EXOC4: variants seen among roughly 807,000 people sequenced by gnomAD.
EXOC4 encodes exocyst complex component 4.
Under a neutral mutation model 107.2 loss-of-function variants are expected in EXOC4, and 71 were observed. That is an observed-to-expected ratio of 0.66 (90% CI 0.55 to 0.81). EXOC4 has a LOEUF of 0.81. EXOC4 is among the 30% of genes least tolerant of loss of function. EXOC4 has a pLI of 0.00. For synonymous variants in EXOC4, 456 were observed against 441.2 expected, an observed-to-expected ratio of 1.03 and a Z score of -0.42; for missense variants, 1,108 against 1,189.6, an observed-to-expected ratio of 0.93 and a Z score of 1.01.
intron 10 of EXOC4, among the ~76,000 whole-genome samples, chr7:133,780,104 G>A (rs1162600380): frequency 2.0e-5 from 3 of 152,050 alleles, no homozygotes; most frequent in African/African-American, 4.8e-5. Context: ...ATGCTGGAGG[G>A]ATTTTGCTTG....
chr7:133,741,858 A>G (rs1188670539), intron 10 of EXOC4, among the ~76,000 whole-genome samples: 4 of 152,102 alleles, frequency 2.6e-5, no homozygotes, highest in Admixed American at 6.6e-5. Flanking sequence ...AGTACCTTCC[A>G]GTGATTTGTT....
intron 14 of EXOC4, among the ~76,000 whole-genome samples, chr7:133,962,653 A>C (rs1209056918): frequency 6.6e-6 from 1 of 152,216 alleles, no homozygotes; most frequent in East Asian, 1.9e-4. Context: ...TTTAGCATGC[A>C]AGTTAAACAG....
the EXOC4 span, among the ~76,000 whole-genome samples, chr7:134,093,639 A>G: frequency 6.6e-6 from 1 of 152,220 alleles, no homozygotes; most frequent in Non-Finnish European, 1.5e-5. Flanking sequence ...TCATCTGTAT[A>G]TGGAACATCC....
At chr7:133,667,547 C>T (rs1793848661) in intron 10 of EXOC4, among the ~76,000 whole-genome samples, 1 of 152,160 alleles carries the variant, frequency 6.6e-6, no homozygotes. Context: ...GTAATACTTT[C>T]CTAAGCCCTG....
chr7:133,265,294 A>G (rs1325880789), intron 1 of EXOC4, among the ~76,000 whole-genome samples: 1 of 152,012 alleles, frequency 6.6e-6, no homozygotes, highest in Non-Finnish European at 1.5e-5. Context: ...CTAAATCAGG[A>G]TAACCCCTTC....
chr7:133,646,610 A>G (rs1296302049), intron 10 of EXOC4, among the ~76,000 whole-genome samples: 1 of 152,200 alleles, frequency 6.6e-6, no homozygotes, highest in African/African-American at 2.4e-5. Flanking sequence ...TGGGAGTTTG[A>G]TGAAATATAT....
At chr7:133,453,714 T>A (rs537829898) in intron 7 of EXOC4, among the ~76,000 whole-genome samples, 41 of 152,200 alleles carry the variant, frequency 2.7e-4, no homozygotes, top group African/African-American at 9.1e-4. Flanking sequence ...GAGAGTATTC[T>A]TTTTACTAAA....
chr7:133,698,400 G>C (rs1467296963), intron 10 of EXOC4, among the ~76,000 whole-genome samples: 1 of 152,006 alleles, frequency 6.6e-6, no homozygotes, highest in Non-Finnish European at 1.5e-5. Context: ...AGGAGTTGAA[G>C]ACCAGCCTGT....
chr7:133,306,076 T>TTCCACCATCTTTCCG lies in EXOC4; in HGVS notation c.656+16_656+17insCCACCATCTTTCCGT. 6.2e-7 allele frequency: 1 copy of TTCCACCATCTTTCCG among 1,600,134 alleles called. No individual in the cohort carries two copies. Among genetic ancestry groups the TTCCACCATCTTTCCG allele is most frequent in the South Asian group, 1.1e-5 (1 of 89,302 alleles). On this transcript the variant is annotated intron_variant, in intron 4 of 17. Coordinates refer to ENST00000253861, the MANE Select transcript of EXOC4 (RefSeq NM_021807.4). ...GGGAAAATCAGGTTAAAGAGGCTCT[T>TTCCACCATCTTTCCG]TGCTATAAGTGTCTTGTGGCAGTGT...
chr7:133,258,153 T>C (rs1447889316), intron 1 of EXOC4, among the ~76,000 whole-genome samples: 1 of 152,188 alleles, frequency 6.6e-6, no homozygotes, highest in Admixed American at 6.5e-5. Context: ...ACTACTAGAA[T>C]ACCCAGAAAC....
chr7:133,680,197 A>G (rs909096151), intron 10 of EXOC4, among the ~76,000 whole-genome samples: 1 of 152,186 alleles, frequency 6.6e-6, no homozygotes, highest in Non-Finnish European at 1.5e-5. Flanking sequence ...TCTCAATTTG[A>G]GAGAAAATAG....
intron 10 of EXOC4, among the ~76,000 whole-genome samples, chr7:133,693,994 G>T (rs1192311871): frequency 3.3e-5 from 5 of 152,072 alleles, no homozygotes. Context: ...GGCTGGGTGT[G>T]GTGGCTCATG....
intron 3 of EXOC4, among the ~76,000 whole-genome samples, chr7:133,293,170 C>G (rs1219504632): frequency 6.6e-6 from 1 of 152,098 alleles, no homozygotes; most frequent in East Asian, 1.9e-4. Flanking sequence ...TCCCAATAAA[C>G]AATGATTTGT....
At chr7:133,693,286 A>C (rs1297170438) in intron 10 of EXOC4, among the ~76,000 whole-genome samples, 2 of 152,172 alleles carry the variant, frequency 1.3e-5, no homozygotes, top group Non-Finnish European at 2.9e-5. Flanking sequence ...TTGGAATCTG[A>C]TGTTAGAGGG....
intron 10 of EXOC4, among the ~76,000 whole-genome samples, chr7:133,748,510 G>A (rs1795723149): frequency 6.6e-6 from 1 of 152,096 alleles, no homozygotes; most frequent in African/African-American, 2.4e-5. Flanking sequence ...TCCCAGGTTT[G>A]GAGATTCACT....
chr7:133,630,324 A>G (rs756937249), intron 10 of EXOC4, 183 bp downstream of exon 10: 4 of 514,860 alleles, frequency 7.8e-6, no homozygotes, highest in Non-Finnish European at 1.4e-5. Context: ...CTGAGTAGCT[A>G]CTTATTTTCA....
chr7:133,290,397 A>T (rs1794376579), intron 3 of EXOC4, among the ~76,000 whole-genome samples: 3 of 152,264 alleles, frequency 2.0e-5, no homozygotes. Context: ...TTCTTTAATA[A>T]TAATGACTAT....
At chr7:133,671,616 G>A (rs899428029) in intron 10 of EXOC4, among the ~76,000 whole-genome samples, 1 of 152,106 alleles carries the variant, frequency 6.6e-6, no homozygotes, top group Non-Finnish European at 1.5e-5. Flanking sequence ...GCCGTATGAA[G>A]AATGTGCTGT....
At chr7:133,500,009 A>C (rs993711220) in intron 9 of EXOC4, among the ~76,000 whole-genome samples, 2 of 152,178 alleles carry the variant, frequency 1.3e-5, no homozygotes, top group African/African-American at 4.8e-5. Flanking sequence ...GAAAAAAAAA[A>C]CATGGCTCAT....
Sources: allele counts gnomAD v4.1 joint callset (sites outside exome capture counted in the v4.1 genomes callset), GRCh38; gene constraint gnomAD v4.1.1; transcripts MANE v1.5; gene names NCBI Gene and HGNC (gene_info 2026-07-23, HGNC 2026-07-21).